The following MAP2 variants were observed in gnomAD, a reference collection of about 807,000 sequenced individuals.
The protein encoded by MAP2 is microtubule associated protein 2.
In MAP2, 14 loss-of-function variants were observed where a neutral mutation model predicts 137.6. The ratio of observed to expected loss-of-function variants is 0.10; its 90% CI spans 0.07 to 0.16. MAP2 has a LOEUF of 0.16. MAP2 is among the 10% of genes least tolerant of loss of function. The probability of loss-of-function intolerance (pLI) is 1.00; values close to 1 mark genes in which losing one functional copy is unlikely to be tolerated. For missense variants in MAP2, 2,088 were observed against 2,191.5 expected (o/e 0.95, Z 0.94); for synonymous variants, 786 against 782.3 (o/e 1.00, Z -0.08).
intron 1 of MAP2, among the ~76,000 whole-genome samples, chr2:209,491,529 T>A (rs2059115861): frequency 6.6e-6 from 1 of 151,910 alleles, no homozygotes; most frequent in African/African-American, 2.4e-5. Flanking sequence ...TTGAAAAGAT[T>A]AACAAAATAC....
intron 4 of MAP2, among the ~76,000 whole-genome samples, chr2:209,643,049 G>C (rs1207107422): frequency 6.6e-6 from 1 of 152,174 alleles, no homozygotes; most frequent in Non-Finnish European, 1.5e-5. Context: ...TTCATCTGTG[G>C]ATATGTAGCA....
At chr2:209,704,330 A>G (rs2062706089) in intron 11 of MAP2, 4 of 757,768 alleles carry the variant, frequency 5.3e-6, no homozygotes, top group Non-Finnish European at 8.3e-6. Flanking sequence ...ATAACCATTT[A>G]TCATGTGTTC....
chr2:209,645,465 A>T (rs2094356573), intron 4 of MAP2, among the ~76,000 whole-genome samples: 1 of 152,106 alleles, frequency 6.6e-6, no homozygotes, highest in Non-Finnish European at 1.5e-5. Context: ...TTAAAAAAAA[A>T]ACTAAGTAAT....
chr2:209,598,526 C>T (rs1439845892), intron 3 of MAP2, among the ~76,000 whole-genome samples: 2 of 149,266 alleles, frequency 1.3e-5, no homozygotes, highest in African/African-American at 4.9e-5. Flanking sequence ...TATACATGTG[C>T]CATGCTGGTG....
chr2:209,444,321 TACTC>T (rs1698531518), intron 1 of MAP2, among the ~76,000 whole-genome samples: 1 of 151,708 alleles, frequency 6.6e-6, no homozygotes, highest in South Asian at 2.1e-4. Context: ...TTAATTATAT[TACTC>T]AGTCTCAATG....
chr2:209,478,933 T>C (rs1047021048), intron 1 of MAP2, among the ~76,000 whole-genome samples: 1 of 152,328 alleles, frequency 6.6e-6, no homozygotes, highest in Non-Finnish European at 1.5e-5. Context: ...AACAACTTTT[T>C]TAAAAGGTGT....
At chr2:209,705,803 T>C in intron 12 of MAP2, 76 bp downstream of exon 12, 1 of 1,239,634 alleles carries the variant, frequency 8.1e-7, no homozygotes, top group Admixed American at 2.3e-5. Flanking sequence ...TATATTTATA[T>C]TTTAATTTGT....
intron 2 of MAP2, among the ~76,000 whole-genome samples, chr2:209,568,483 G>A (rs2073866109): frequency 6.6e-6 from 1 of 151,866 alleles, no homozygotes; most frequent in African/African-American, 2.4e-5. Flanking sequence ...AAATTTAAAT[G>A]GATTGGCACT....
intron 5 of MAP2, among the ~76,000 whole-genome samples, chr2:209,656,937 G>A (rs1052050566): frequency 2.6e-5 from 4 of 151,772 alleles, no homozygotes; most frequent in African/African-American, 4.8e-5. Flanking sequence ...CCACCCTCCC[G>A]CCTTTTTGAG....
intron 3 of MAP2, among the ~76,000 whole-genome samples, chr2:209,607,692 C>T (rs2085268526): frequency 6.6e-6 from 1 of 152,196 alleles, no homozygotes; most frequent in Non-Finnish European, 1.5e-5. Context: ...ACCTTGGCCT[C>T]CCAAAGTGCT....
At chr2:209,540,630 C>CAAAAAAAAAAAAAAAA (rs749183996) in intron 2 of MAP2, among the ~76,000 whole-genome samples, 18 of 27,590 alleles carry the variant, frequency 6.5e-4, no homozygotes, top group East Asian at 2.4e-3. Flanking sequence ...GACTCCGTCT[C>CAAAAAAAAAAAAAAAA]AAAAAAAAAA....
chr2:209,655,419 A>G (rs1215030595), intron 5 of MAP2, among the ~76,000 whole-genome samples: 2 of 152,232 alleles, frequency 1.3e-5, no homozygotes, highest in Non-Finnish European at 2.9e-5. Context: ...TGAGATATGC[A>G]TGTGTAGAAA....
At chr2:209,470,226 A>G (rs1212010595) in intron 1 of MAP2, among the ~76,000 whole-genome samples, 5 of 152,214 alleles carry the variant, frequency 3.3e-5, no homozygotes, top group African/African-American at 7.2e-5. Flanking sequence ...GGCAAATGCT[A>G]TGCGGGAGAA....
intron 1 of MAP2, among the ~76,000 whole-genome samples, chr2:209,506,859 T>C (rs2061133652): frequency 6.6e-6 from 1 of 152,198 alleles, no homozygotes; most frequent in Non-Finnish European, 1.5e-5. Flanking sequence ...AAGACCTGTG[T>C]CAGTCTGTGC....
intron 3 of MAP2, among the ~76,000 whole-genome samples, chr2:209,584,952 G>T (rs1245513286): frequency 3.9e-5 from 6 of 152,084 alleles, no homozygotes; most frequent in Non-Finnish European, 4.4e-5. Context: ...TATTTTTATT[G>T]TATCTCTAGT....
chr2:209,710,053 G>A lies in MAP2; in HGVS notation c.4872G>A (p.Arg1624=). The A allele has an allele frequency of 6.2e-7, 1 of 1,613,866 alleles. No homozygotes were observed. The highest frequency in any genetic ancestry group is 1.1e-5 in the South Asian group (1 of 91,054). Reference sequence around the variant, plus strand: ...CTCCTGGAACCCCTAGCTATCCCAGGACCCCTCACACACCAGGAACCCCCA... The same window carrying A: ...CTCCTGGAACCCCTAGCTATCCCAGAACCCCTCACACACCAGGAACCCCCA... ...PGTPGTPSYP[R]TPHTPGTPKS... Residue 1624 remains arginine (R), a synonymous_variant, in exon 13 of 16, where the codon AGG becomes AGA. Transcript: ENST00000682079.
At chr2:209,669,691 G>A (rs1332014294) in intron 5 of MAP2, among the ~76,000 whole-genome samples, 3 of 151,834 alleles carry the variant, frequency 2.0e-5, no homozygotes, top group Non-Finnish European at 4.4e-5. Context: ...TGCTCCTTGT[G>A]CCTAAGACCT....
At chr2:209,429,233 A>G (rs13033819) in intron 1 of MAP2, among the ~76,000 whole-genome samples, 85,751 of 151,996 alleles carry the variant, frequency 0.56, 26,029 homozygotes, top group African/African-American at 0.79. Flanking sequence ...GATTACAGTC[A>G]TGAGCCACCG....
At chr2:209,527,242 A>G (rs979127154) in intron 2 of MAP2, among the ~76,000 whole-genome samples, 12 of 152,144 alleles carry the variant, frequency 7.9e-5, no homozygotes, top group Non-Finnish European at 1.6e-4. Context: ...ATTTTTCTCC[A>G]TAGCATTTCT....
Sources: allele counts gnomAD v4.1 joint callset (sites outside exome capture counted in the v4.1 genomes callset), GRCh38; gene constraint gnomAD v4.1.1; transcripts MANE v1.5; gene names NCBI Gene and HGNC (gene_info 2026-07-23, HGNC 2026-07-21).